The following PCDHA5 variants were observed in gnomAD, a reference collection of about 807,000 sequenced individuals.
PCDHA5 encodes protocadherin alpha-5.
In PCDHA5, 43 loss-of-function variants were observed where a neutral mutation model predicts 61.6. The observed-to-expected ratio is 0.70, with a 90% CI of 0.55 to 0.90. The LOEUF (loss-of-function observed/expected upper bound fraction) is 0.90, where lower values mean the gene tolerates loss of function less well. PCDHA5 is among the 40% of genes least tolerant of loss of function. PCDHA5 has a pLI of 0.00. For synonymous variants in PCDHA5, 627 were observed against 543.9 expected (o/e 1.15, Z -2.13); for missense variants, 1,298 against 1,222.7 (o/e 1.06, Z -0.92).
intron 1 of PCDHA5, chr5:140,853,207 G>A: frequency 2.0e-6 from 2 of 983,504 alleles, no homozygotes; most frequent in Non-Finnish European, 2.5e-6. Context: ...ATTGACGGCT[G>A]TATTGATGGG....
intron 1 of PCDHA5, among the ~76,000 whole-genome samples, chr5:140,914,158 C>T (rs1041086072): frequency 1.2e-4 from 18 of 152,276 alleles, no homozygotes; most frequent in East Asian, 9.6e-4. Flanking sequence ...CTGTCCAATA[C>T]GGAAAGTGGG....
At chr5:140,870,789 G>A in intron 1 of PCDHA5, 3 of 1,613,630 alleles carry the variant, frequency 1.9e-6, no homozygotes, top group Admixed American at 1.7e-5. Context: ...ACAACGCGCC[G>A]GCACTGCTGG....
chr5:140,911,075 A>G (rs1554194593), intron 1 of PCDHA5, among the ~76,000 whole-genome samples: 1 of 152,076 alleles, frequency 6.6e-6, no homozygotes, highest in Admixed American at 6.6e-5. Context: ...GAGGAGAATC[A>G]ACATTATCTT....
intron 1 of PCDHA5, among the ~76,000 whole-genome samples, chr5:140,837,930 T>G (rs1775322369): frequency 6.6e-6 from 1 of 151,780 alleles, no homozygotes. Flanking sequence ...CCTCCTACCT[T>G]GGCCTCCCAA....
At chr5:140,869,170 T>C in intron 1 of PCDHA5, 3 of 1,613,920 alleles carry the variant, frequency 1.9e-6, no homozygotes, top group Non-Finnish European at 2.5e-6. Context: ...CCTCCTCGAA[T>C]TCTGGGAGGT....
chr5:140,831,520 CTTTTTTTT>C (rs35178185), intron 1 of PCDHA5, among the ~76,000 whole-genome samples: 1 of 122,416 alleles, frequency 8.2e-6, no homozygotes, highest in Non-Finnish European at 1.6e-5. Context: ...TGCCCCCCAC[CTTTTTTTT>C]TTTTTTTTTT....
chr5:140,986,776 C>G (rs916981139), intron 3 of PCDHA5, among the ~76,000 whole-genome samples: 5 of 152,098 alleles, frequency 3.3e-5, no homozygotes, highest in Non-Finnish European at 7.3e-5. Context: ...AATTAGGTAG[C>G]GGAAGCCACT....
chr5:140,836,386 C>G, intron 1 of PCDHA5: 1 of 1,613,722 alleles, frequency 6.2e-7, no homozygotes, highest in Non-Finnish European at 8.5e-7. Context: ...GTGCTGGTGT[C>G]GCTGGTGGAA....
At chr5:140,915,258 A>T (rs2077046977) in intron 1 of PCDHA5, among the ~76,000 whole-genome samples, 1 of 151,928 alleles carries the variant, frequency 6.6e-6, no homozygotes, top group South Asian at 2.1e-4. Context: ...GGTTGTTATT[A>T]TTTTTGACCA....
chr5:140,982,802 T>G (rs2153829847), intron 3 of PCDHA5, among the ~76,000 whole-genome samples: 1 of 152,122 alleles, frequency 6.6e-6, no homozygotes, highest in South Asian at 2.1e-4. Context: ...TGCATGTGTG[T>G]GTGTGTGTAT....
chr5:140,843,630 T>C (rs1554140293), intron 1 of PCDHA5: 3 of 1,595,936 alleles, frequency 1.9e-6, no homozygotes, highest in Non-Finnish European at 2.6e-6. Flanking sequence ...ACGGACCTCA[T>C]GGCCTTCAGC....
rs782220892 is a variant in PCDHA5, at chr5:140,821,800, C to G, written c.25C>G (p.Leu9Val). 1 of 1,613,116 alleles carries G rather than the reference C, an allele frequency of 6.2e-7. No homozygotes were observed. The highest frequency in any genetic ancestry group is 8.5e-7 in the Non-Finnish European group (1 of 1,179,466). The change falls in exon 1 of 4, where the codon CTG becomes GTG. Residue 9 changes from leucine (L) to valine (V), a missense_variant. Coordinates refer to ENST00000529859, the MANE Select transcript of PCDHA5 (RefSeq NM_018908.3). MVYSRRGS[L>V]GSRLLLLWLL... Reference sequence around the variant, plus strand: ...GATGGTATATTCCCGGAGAGGAAGTCTGGGATCCCGGCTCCTGCTGCTCTG... The same window carrying G: ...GATGGTATATTCCCGGAGAGGAAGTGTGGGATCCCGGCTCCTGCTGCTCTG...
At chr5:140,842,730 C>T (rs1302356073) in intron 1 of PCDHA5, 1 of 1,594,964 alleles carries the variant, frequency 6.3e-7, no homozygotes, top group Non-Finnish European at 8.6e-7. Flanking sequence ...AACAACCCGC[C>T]GGGCTGCCAC....
At chr5:140,893,066 A>G (rs1221245824) in intron 1 of PCDHA5, among the ~76,000 whole-genome samples, 1 of 152,248 alleles carries the variant, frequency 6.6e-6, no homozygotes, top group Admixed American at 6.5e-5. Flanking sequence ...ACTGCCATGA[A>G]TAACAGGATT....
At chr5:141,005,315 G>A (rs1554259986) in intron 3 of PCDHA5, among the ~76,000 whole-genome samples, 1 of 152,186 alleles carries the variant, frequency 6.6e-6, no homozygotes, top group Non-Finnish European at 1.5e-5. Flanking sequence ...TCTTACAGTG[G>A]TAGAGAATAA....
chr5:140,845,010 T>G (rs2150375748), intron 1 of PCDHA5, among the ~76,000 whole-genome samples: 12 of 149,368 alleles, frequency 8.0e-5, no homozygotes, highest in Non-Finnish European at 1.0e-4. Context: ...GAACAAATAA[T>G]GTAATCATTT....
chr5:140,850,235 G>C (rs2041450021), intron 1 of PCDHA5: 1 of 1,593,876 alleles, frequency 6.3e-7, no homozygotes, highest in African/African-American at 1.3e-5. Flanking sequence ...TGAGCGAGAT[G>C]GTGCTGCGGT....
At chr5:140,831,520 CTTTT>C (rs2150195630) in intron 1 of PCDHA5, among the ~76,000 whole-genome samples, 54,210 of 121,934 alleles carry the variant, frequency 0.44, 12,278 homozygotes, top group Middle Eastern at 0.51. Flanking sequence ...TGCCCCCCAC[CTTTT>C]TTTTTTTTTT....
At chr5:140,948,245 A>G (rs1554218500) in intron 1 of PCDHA5, among the ~76,000 whole-genome samples, 2 of 151,606 alleles carry the variant, frequency 1.3e-5, no homozygotes, top group African/African-American at 4.8e-5. Flanking sequence ...TTTAGTAAAT[A>G]TTTTTACATC....
Sources: allele counts gnomAD v4.1 joint callset (sites outside exome capture counted in the v4.1 genomes callset), GRCh38; gene constraint gnomAD v4.1.1; transcripts MANE v1.5; gene names NCBI Gene and HGNC (gene_info 2026-07-23, HGNC 2026-07-21).